RPS26: variants seen among roughly 807,000 people sequenced by gnomAD.
RPS26 encodes the protein ribosomal protein S26.
RPS26 carries 1 observed loss-of-function variant against 14.7 expected under a neutral mutation model. The observed-to-expected ratio is 0.07, with a 90% CI of 0.02 to 0.32. The LOEUF (loss-of-function observed/expected upper bound fraction) is 0.32. RPS26 is among the 10% of genes least tolerant of loss of function. The pLI, the probability that RPS26 is intolerant of heterozygous loss-of-function variation, is 1.00. For missense variants in RPS26, 63 were observed against 157.7 expected, an observed-to-expected ratio of 0.40 and a Z score of 3.22; for synonymous variants, 59 against 53.1, an observed-to-expected ratio of 1.11 and a Z score of -0.48.
rs1191650736 is a variant in RPS26 at position 56,044,345 on chromosome 12, CTTTTTTTTT to C, written c.*203_*211del. On this transcript the variant is annotated 3_prime_UTR_variant, in exon 4 of 4. Coordinates refer to ENST00000646449, the MANE Select transcript of RPS26 (RefSeq NM_001029.5). ...CTTATTCATGTAATTTAATTTTTTT[CTTTTTTTTT>C]TTTTTTTTTTTGAGACGGAGTCTTT... is the stretch of plus-strand genomic sequence containing the variant. 3.0e-5 allele frequency: 8 copies of C among 266,260 alleles called. No homozygotes were observed. Among genetic ancestry groups the C allele is most frequent in the South Asian group, 8.9e-5 (2 of 22,424 alleles). The allele number at this position is 266,260 out of a possible 1,614,324, so 16.5% of individuals were successfully genotyped here.
At position 56,044,307 on chromosome 12, in the gene RPS26, A is replaced by G; in HGVS notation, c.*153A>G. The G allele has an allele frequency of 1.7e-6, 1 of 594,372 alleles. No individual in the cohort carries two copies. The highest frequency in any genetic ancestry group is 3.0e-6 in the Non-Finnish European group (1 of 331,654). 36.8% of individuals were successfully genotyped at this position (594,372 alleles called of 1,614,324 possible). A position where few individuals can be genotyped will look rare whatever the true frequency, so the allele number is the denominator to read the frequency against. On this transcript the variant is annotated 3_prime_UTR_variant, in exon 4 of 4. Transcript: ENST00000646449. ...GTGTGAAGTGACACACATTATTTTC[A>G]TGGGGAAGAAAGCTTATTCATGTAA...
Position 56,041,927 on chromosome 12 carries a change from C to T in RPS26, c.-240C>T, listed in dbSNP as rs1895887898. 1 of 609,424 alleles carries T rather than the reference C, an allele frequency of 1.6e-6. No individual in the cohort carries two copies. The highest frequency in any genetic ancestry group is 2.9e-6 in the Non-Finnish European group (1 of 340,102). The allele number at this position is 609,424 out of a possible 1,614,324, so 37.8% of individuals were successfully genotyped here. A position where few individuals can be genotyped will look rare whatever the true frequency, so the allele number is the denominator to read the frequency against. The stretch of plus-strand genomic sequence containing the variant: ...GGAGACACATAACCTCGATTTTCTT[C>T]CGCCATCCGGCTAAATAGTCCCATG... On this transcript the variant is annotated 5_prime_UTR_variant, in exon 1 of 4. Transcript: ENST00000646449.
At chr12:56,043,063 C>T (rs180704061) in intron 2 of RPS26, 10 of 417,900 alleles carry the variant, frequency 2.4e-5, no homozygotes, top group Admixed American at 1.5e-4. Flanking sequence ...GGCATTAGGG[C>T]GGGTGTAGGT....
chr12:56,042,295 G>A (rs1895897631), intron 1 of RPS26, 126 bp downstream of exon 1: 18 of 1,519,742 alleles, frequency 1.2e-5, no homozygotes, highest in East Asian at 2.3e-5. Flanking sequence ...GGGGGTCGGC[G>A]GGATTTGCGG....
At chr12:56,043,187 A>G in intron 2 of RPS26, 176 bp from the exon 3 acceptor site, 2 of 619,144 alleles carry the variant, frequency 3.2e-6, no homozygotes, top group Non-Finnish European at 5.8e-6. Context: ...AGGGTTATAC[A>G]TATGTGCTCA....
intron 1 of RPS26, 60 bp downstream of exon 1, chr12:56,042,229 A>C (rs958808323): frequency 6.2e-7 from 1 of 1,605,386 alleles, no homozygotes; most frequent in Non-Finnish European, 8.5e-7. Context: ...ATTGTGGGGA[A>C]GTGAGAGCCT....
In RPS26 at chr12:56,042,208, C is replaced by T. The variant is rs747063626; in HGVS notation, c.3+39C>T. ...CGTGGTGAGGGTGGGGGTTCGGGTG[C>T]AGACTCTGGGATTGTGGGGAAGTGA... is the stretch of plus-strand genomic sequence containing the variant. On this transcript the variant is annotated intron_variant, in intron 1 of 3. Transcript: ENST00000646449. 53 of 1,613,162 alleles carry T rather than the reference C, an allele frequency of 3.3e-5. No homozygotes were observed. In the South Asian group the frequency reaches 4.4e-4, roughly 13 times the overall value.
In RPS26 at chr12:56,042,260, A is replaced by G. The variant is rs1895897108; in HGVS notation, c.3+91A>G. ...AGCCTGGAGCACGGCTGAGGGGTGGACCGAGTGTACATTTCATTTGCTCTG... is the reference window on the plus strand; with the variant it reads ...AGCCTGGAGCACGGCTGAGGGGTGGGCCGAGTGTACATTTCATTTGCTCTG... On this transcript the variant is annotated intron_variant, in intron 1 of 3. Transcript: ENST00000646449. 3.2e-6 allele frequency: 5 copies of G among 1,553,246 alleles called. No individual in the cohort carries two copies. In the African/African-American group the frequency reaches 5.4e-5, roughly 17 times the overall value.
At chr12:56,044,090 A>C (rs1895930911) in intron 3 of RPS26, 29 bp from the exon 4 acceptor site, 3 of 1,608,754 alleles carry the variant, frequency 1.9e-6, no homozygotes, top group Admixed American at 1.7e-5. Flanking sequence ...ATGGGTTTTA[A>C]TTTACTCTTT....
chr12:56,042,381 G>T, intron 1 of RPS26, 44 bp from the exon 2 acceptor site: 3 of 1,598,986 alleles, frequency 1.9e-6, no homozygotes, highest in Non-Finnish European at 1.7e-6. Flanking sequence ...CTGAGGCTGG[G>T]TGAGTTGCGC....
Position 56,043,175 on chromosome 12 carries a change from T to G in RPS26, c.182-188T>G, listed in dbSNP as rs1035948179. The stretch of plus-strand genomic sequence containing the variant: ...TGGGATGTTAATTCACTTGTAAAAC[T>G]GAGGGTTATACATATGTGCTCAGGT... On this transcript the variant is annotated intron_variant, in intron 2 of 3. Coordinates refer to ENST00000646449, the MANE Select transcript of RPS26 (RefSeq NM_001029.5). The G allele has an allele frequency of 2.6e-5, 15 of 582,582 alleles. No homozygotes were observed. The Admixed American group carries it at 3.8e-4, about 15-fold the overall frequency. 36.1% of individuals were successfully genotyped at this position (582,582 alleles called of 1,614,324 possible).
In RPS26 at chr12:56,042,190, A is replaced by G. The variant is rs756805326; in HGVS notation, c.3+21A>G. ...AGATGGTGAGTCTTCTTGCGTGGTG[A>G]GGGTGGGGGTTCGGGTGCAGACTCT... On this transcript the variant is annotated intron_variant, in intron 1 of 3. Transcript: ENST00000646449. 41 of 1,613,430 alleles carry G rather than the reference A, an allele frequency of 2.5e-5. 1 individual carries two copies. The South Asian group carries it at 3.5e-4, about 14-fold the overall frequency.
chr12:56,042,798 A>G lies in RPS26; in HGVS notation c.181+196A>G, dbSNP rs1246226337. 1.1e-5 allele frequency: 7 copies of G among 658,236 alleles called. No individual in the cohort carries two copies. The African/African-American group carries it at 1.3e-4, about 12-fold the overall frequency. The allele number at this position is 658,236 out of a possible 1,614,324, so 40.8% of individuals were successfully genotyped here. A position where few individuals can be genotyped will look rare whatever the true frequency, so the allele number is the denominator to read the frequency against. On this transcript the variant is annotated intron_variant, in intron 2 of 3. Coordinates refer to ENST00000646449, the MANE Select transcript of RPS26 (RefSeq NM_001029.5). ...TGGGCAGAGGGTGACTTTGTGATAG[A>G]GTGCACAGCCTTTACTCTGAGGTAA...
rs936504253 is a variant in RPS26, at chr12:56,042,346, G to A, written c.4-79G>A. 1.8e-4 allele frequency: 286 copies of A among 1,553,104 alleles called. 1 individual carries two copies. Among genetic ancestry groups the A allele is most frequent in the Non-Finnish European group, 9.9e-5 (112 of 1,127,626 alleles). ...GAGCGGCGCCTTCCTGGAGGCTGCC[G>A]GTGCGGCTTGTGGCCGGAAAGGGAC... On this transcript the variant is annotated intron_variant, in intron 1 of 3. Coordinates refer to ENST00000646449, the MANE Select transcript of RPS26 (RefSeq NM_001029.5).
chr12:56,042,443 A>G lies in RPS26; in HGVS notation c.22A>G (p.Asn8Asp). 1 of 1,614,010 alleles carries G rather than the reference A, an allele frequency of 6.2e-7. No individual in the cohort carries two copies. Among genetic ancestry groups the G allele is most frequent in the Non-Finnish European group, 8.5e-7 (1 of 1,179,966 alleles). MTKKRRN[N>D]GRAKKGRGHV... ...GTCGCAGACAAAGAAAAGAAGGAAC[A>G]ATGGTCGTGCCAAAAAGGGCCGCGG... Residue 8 changes from asparagine to aspartate, a missense_variant, in exon 2 of 4, where the codon AAT becomes GAT. Transcript: ENST00000646449.
At chr12:56,043,223 G>A in intron 2 of RPS26, 140 bp from the exon 3 acceptor site, 1 of 767,230 alleles carries the variant, frequency 1.3e-6, no homozygotes, top group Non-Finnish European at 2.3e-6. Context: ...AGGTGCTTTG[G>A]GGGTGCTTTT....
In RPS26 at chr12:56,041,966, A is replaced by C. The variant is rs1243185853; in HGVS notation, c.-201A>C. The C allele has an allele frequency of 1.5e-6, 1 of 669,394 alleles. No homozygotes were observed. Among genetic ancestry groups the C allele is most frequent in the Non-Finnish European group, 2.7e-6 (1 of 368,650 alleles). The allele number at this position is 669,394 out of a possible 1,614,324, so 41.5% of individuals were successfully genotyped here. On this transcript the variant is annotated 5_prime_UTR_variant, in exon 1 of 4. It removes an upstream start codon present in the reference 5' UTR. Transcript: ENST00000646449. ...AATAGTCCCATGTGCACTTTGTTCC[A>C]TGGATAAATAAACACTAGGAACGCA...
At chr12:56,042,290 T>C in intron 1 of RPS26, 121 bp downstream of exon 1, 1 of 1,521,514 alleles carries the variant, frequency 6.6e-7, no homozygotes, top group Non-Finnish European at 9.1e-7. Context: ...GCTCTGGGGG[T>C]CGGCGGGATT....
chr12:56,042,377 C>T (rs1005910101), intron 1 of RPS26, 48 bp from the exon 2 acceptor site: 6 of 1,591,356 alleles, frequency 3.8e-6, no homozygotes, highest in Non-Finnish European at 8.6e-7. Context: ...GGGACTGAGG[C>T]TGGGTGAGTT....
Sources: allele counts gnomAD v4.1 joint callset, GRCh38; gene constraint gnomAD v4.1.1; transcripts MANE v1.5; gene names NCBI Gene and HGNC (gene_info 2026-07-23, HGNC 2026-07-21).